Variants in DEFB130A observed in about 807,000 individuals in gnomAD.
DEFB130A encodes the protein defensin beta 130A.
intron 1 of DEFB130A, among the ~76,000 whole-genome samples, chr8:12,317,331 T>C (rs981670118): frequency 5.5e-5 from 7 of 127,052 alleles, no homozygotes; most frequent in African/African-American, 1.0e-4. Flanking sequence ...GCTCACTACA[T>C]GAGTGATGGG....
In DEFB130A at chr8:12,316,147, G is replaced by C. The variant is rs1472629892; in HGVS notation, c.58+2112C>G. ...ACACATGAACCACTTCAACAGAATA[G>C]AGAACCCAGAAATAAAGCTGCACAT... On this transcript the variant is annotated intron_variant, in intron 1 of 1. Transcript: ENST00000400079. Among the ~76,000 whole-genome samples the C allele has an allele frequency of 1.2e-3, 57 of 47,828 alleles. 26 individuals are homozygous for C. Among genetic ancestry groups the C allele is most frequent in the African/African-American group, 7.5e-3 (50 of 6,654 alleles). The allele number at this position is 47,828 out of a possible 152,430, so 31.4% of individuals were successfully genotyped here. A position where few individuals can be genotyped will look rare whatever the true frequency, so the allele number is the denominator to read the frequency against.
chr8:12,316,899 A>G (rs1045818879), intron 1 of DEFB130A, among the ~76,000 whole-genome samples: 8 of 135,638 alleles, frequency 5.9e-5, no homozygotes, highest in Non-Finnish European at 1.3e-4. Flanking sequence ...TTCTCAAAGA[A>G]CTTAAAACAG....
chr8:12,317,085 A>G (rs1193933600), intron 1 of DEFB130A, among the ~76,000 whole-genome samples: 1 of 105,474 alleles, frequency 9.5e-6, no homozygotes, highest in Non-Finnish European at 1.8e-5. Context: ...AATGTGGTAC[A>G]TATAGACCAT....
At chr8:12,316,707 A>C (rs970216490) in intron 1 of DEFB130A, among the ~76,000 whole-genome samples, 2 of 125,348 alleles carry the variant, frequency 1.6e-5, no homozygotes, top group African/African-American at 3.3e-5. Flanking sequence ...GCCAGCAAAC[A>C]TGAAAAGTAG....
chr8:12,316,698 C>T (rs1325128749), intron 1 of DEFB130A, among the ~76,000 whole-genome samples: 2 of 114,518 alleles, frequency 1.7e-5, no homozygotes, highest in Admixed American at 9.2e-5. Flanking sequence ...ATAGAAGCAG[C>T]CAGCAAACAT....
chr8:12,318,182 C>G, intron 1 of DEFB130A, 77 bp downstream of exon 1: 2 of 99,760 alleles, frequency 2.0e-5, no homozygotes, highest in Non-Finnish European at 1.5e-5. Context: ...GTTCGGATGG[C>G]CACAGCATAA....
intron 1 of DEFB130A, among the ~76,000 whole-genome samples, chr8:12,316,816 C>T (rs1809551099): frequency 6.7e-6 from 1 of 149,552 alleles, no homozygotes; most frequent in African/African-American, 2.5e-5. Flanking sequence ...TAAAAAATAA[C>T]AGAAACGCAG....
At chr8:12,318,221 G>A in intron 1 of DEFB130A, 38 bp downstream of exon 1, 1 of 198,010 alleles carries the variant, frequency 5.1e-6, no homozygotes, top group Non-Finnish European at 7.6e-6. Context: ...TCCGGTCTAG[G>A]CGTCCCAATA....
chr8:12,316,893 C>G (rs1479800649), intron 1 of DEFB130A, among the ~76,000 whole-genome samples: 1 of 136,592 alleles, frequency 7.3e-6, no homozygotes, highest in Admixed American at 7.3e-5. Flanking sequence ...GAAGATTTCT[C>G]AAAGAACTTA....
intron 1 of DEFB130A, among the ~76,000 whole-genome samples, chr8:12,315,736 CA>C (rs1458385437): frequency 1.0e-5 from 1 of 97,304 alleles, no homozygotes; most frequent in Non-Finnish European, 2.0e-5. Context: ...AACAGCCACA[CA>C]AAAAATTAAA....
Position 12,311,922 on chromosome 8 carries a change from T to G in DEFB130A, c.59-779A>C, listed in dbSNP as rs1394860333. On this transcript the variant is annotated intron_variant, in intron 1 of 1. Coordinates refer to ENST00000400079, the MANE Select transcript of DEFB130A (RefSeq NM_001037804.1). ...TAGTTTTCTCTATGCTTACTATCCT[T>G]TCTCTTGCCTTCTCAGCACAACCAT... Among the ~76,000 whole-genome samples, 2 of 81,274 alleles carry G rather than the reference T, an allele frequency of 2.5e-5. 1 individual carries two copies. The highest frequency in any genetic ancestry group is 7.1e-5 in the African/African-American group (2 of 28,122). The allele number at this position is 81,274 out of a possible 152,430, so 53.3% of individuals were successfully genotyped here.
At chr8:12,314,951 C>T (rs188133121) in intron 1 of DEFB130A, among the ~76,000 whole-genome samples, 27 of 149,364 alleles carry the variant, frequency 1.8e-4, no homozygotes, top group Non-Finnish European at 3.7e-4. Context: ...TAGAAAACCT[C>T]CTTAGTTTCC....
chr8:12,316,874 T>A (rs1360859772), intron 1 of DEFB130A, among the ~76,000 whole-genome samples: 1 of 144,208 alleles, frequency 6.9e-6, no homozygotes, highest in Non-Finnish European at 1.5e-5. Context: ...GGTGGGAATG[T>A]AACAGTCTGA....
At chr8:12,312,013 A>G (rs1809462914) in intron 1 of DEFB130A, among the ~76,000 whole-genome samples, 1 of 35,368 alleles carries the variant, frequency 2.8e-5, no homozygotes, top group Non-Finnish European at 5.1e-5. Flanking sequence ...GCTGATGTTC[A>G]TTAACAGACA....
intron 1 of DEFB130A, among the ~76,000 whole-genome samples, chr8:12,315,587 T>TAGG (rs2150810721): frequency 6.6e-6 from 1 of 150,910 alleles, no homozygotes; most frequent in African/African-American, 2.4e-5. Flanking sequence ...ACTCTAAAGA[T>TAGG]TCTTTGAAAG....
chr8:12,311,684 G>A (rs529949924), intron 1 of DEFB130A, among the ~76,000 whole-genome samples: 1 of 46,308 alleles, frequency 2.2e-5, no homozygotes, highest in Non-Finnish European at 3.5e-5. Flanking sequence ...CATTTCAGAA[G>A]TATGTAAGAA....
rs1475689110 is a variant in DEFB130A at position 12,313,402 on chromosome 8, C to T, written c.59-2259G>A. Among the ~76,000 whole-genome samples the T allele has an allele frequency of 8.5e-3, 71 of 8,398 alleles. 24 individuals carry two copies. The highest frequency in any genetic ancestry group is 0.037 in the African/African-American group (67 of 1,812). 5.5% of individuals were successfully genotyped at this position (8,398 alleles called of 152,430 possible). ...GGATGCAGTGAGAAGGACTTAGAAT[C>T]ACACTGGAAAATACCCTTAATAGCG... On this transcript the variant is annotated intron_variant, in intron 1 of 1. Coordinates refer to ENST00000400079, the MANE Select transcript of DEFB130A (RefSeq NM_001037804.1).
chr8:12,315,649 T>A (rs1315474602), intron 1 of DEFB130A, among the ~76,000 whole-genome samples: 1 of 149,608 alleles, frequency 6.7e-6, no homozygotes, highest in Non-Finnish European at 1.5e-5. Flanking sequence ...GCAACATCAA[T>A]GTACAAGATC....
At chr8:12,313,512 G>T (rs1202801803) in intron 1 of DEFB130A, among the ~76,000 whole-genome samples, 3 of 17,944 alleles carry the variant, frequency 1.7e-4, no homozygotes, top group Non-Finnish European at 2.2e-4. Flanking sequence ...TTTTTTTTTT[G>T]GATGATGTAG....
Sources: allele counts gnomAD v4.1 joint callset (sites outside exome capture counted in the v4.1 genomes callset), GRCh38; gene constraint gnomAD v4.1.1; transcripts MANE v1.5; gene names NCBI Gene and HGNC (gene_info 2026-07-23, HGNC 2026-07-21).